PURA: variants seen among roughly 807,000 people sequenced by gnomAD.
The protein encoded by PURA is purine rich element binding protein A, also known as transcriptional activator protein Pur-alpha.
A neutral mutation model predicts 23.1 loss-of-function variants in PURA; 2 were observed. That is an observed-to-expected ratio of 0.09 (90% confidence interval 0.04 to 0.27). The LOEUF (loss-of-function observed/expected upper bound fraction) is 0.27. Among genes scored for constraint, PURA ranks in the 10% least tolerant of loss-of-function variants. The pLI is 1.00. For missense variants in PURA, 187 were observed against 449.7 expected (o/e 0.42, Z 5.28); for synonymous variants, 254 against 205.9 (o/e 1.23, Z -2.00).
rs1258100697 is a variant in PURA at position 140,117,434 on chromosome 5, A to G, written c.*2284A>G. 1 of 166,956 alleles carries G rather than the reference A, an allele frequency of 6.0e-6. No homozygotes were observed. The highest frequency in any genetic ancestry group is 1.5e-5 in the Non-Finnish European group (1 of 68,098). The allele number at this position is 166,956 out of a possible 1,614,324, so 10.3% of individuals were successfully genotyped here. A position where few individuals can be genotyped will look rare whatever the true frequency, so the allele number is the denominator to read the frequency against. On this transcript the variant is annotated 3_prime_UTR_variant, in exon 1 of 1. Transcript: ENST00000331327. ...TTAACTGTGATATGGAAAAGACTGCATTCTCTGTGCTGTTACTAATTAGGA... is the reference window on the plus strand; with the variant it reads ...TTAACTGTGATATGGAAAAGACTGCGTTCTCTGTGCTGTTACTAATTAGGA...
rs999522636 is a variant in PURA, at chr5:140,117,850, C to T, written c.*2700C>T. 1.2e-5 allele frequency: 2 copies of T among 166,376 alleles called. No individual in the cohort carries two copies. Among genetic ancestry groups the T allele is most frequent in the Non-Finnish European group, 2.9e-5 (2 of 68,082 alleles). 10.3% of individuals were successfully genotyped at this position (166,376 alleles called of 1,614,324 possible). On this transcript the variant is annotated 3_prime_UTR_variant, in exon 1 of 1. Coordinates refer to ENST00000331327, the MANE Select transcript of PURA (RefSeq NM_005859.5). The stretch of plus-strand genomic sequence containing the variant: ...GTGGGTTTAAAAAGAAATCCACATG[C>T]AGATCTTTTAAGACTTAAAAAGTGA...
At position 140,115,264 on chromosome 5, in the gene PURA, A is replaced by G. The variant is rs1470871211; in HGVS notation, c.*114A>G. 9 of 734,978 alleles carry G rather than the reference A, an allele frequency of 1.2e-5. No individual in the cohort carries two copies. Among genetic ancestry groups the G allele is most frequent in the Admixed American group, 3.9e-5 (1 of 25,942 alleles). The allele number at this position is 734,978 out of a possible 1,614,324, so 45.5% of individuals were successfully genotyped here. On this transcript the variant is annotated 3_prime_UTR_variant, in exon 1 of 1. Transcript: ENST00000331327. The surrounding 1 kb of genome is among the most constrained non-coding windows in gnomAD (Gnocchi z 4.1). ...AGAAAATAAAAAGTTAAAAAGTTAA[A>G]AAAAAAAAAAAACCTGTTAACTCCA...
rs1763133113 is a variant in PURA, at chr5:140,120,075, AT to A, written c.*4926del. On this transcript the variant is annotated 3_prime_UTR_variant, in exon 1 of 1. Transcript: ENST00000331327. ...GTATCAGAATGAGACCTTGCTATCT[AT>A]GTAAAAGGATGCTAAAACAAGGGCA... 1 of 166,856 alleles carries A rather than the reference AT, an allele frequency of 6.0e-6. No individual in the cohort carries two copies. The highest frequency in any genetic ancestry group is 2.4e-5 in the African/African-American group (1 of 41,428). 10.3% of individuals were successfully genotyped at this position (166,856 alleles called of 1,614,324 possible).
Position 140,114,901 on chromosome 5 carries a change from C to T in PURA, c.720C>T (p.Tyr240=), listed in dbSNP as rs1763053854. The T allele has an allele frequency of 1.2e-6, 2 of 1,614,226 alleles. No individual in the cohort carries two copies. The highest frequency in any genetic ancestry group is 1.1e-5 in the South Asian group (1 of 91,086). Residue 240 remains tyrosine, a synonymous_variant, in exon 1 of 1, where the codon TAC becomes TAT. Coordinates refer to ENST00000331327, the MANE Select transcript of PURA (RefSeq NM_005859.5). ...RFFFDVGSNK[Y]GVFMRVSEVK... is the part of the protein sequence containing the mutation. ...TCTTCGATGTGGGCTCCAACAAGTA[C>T]GGCGTGTTTATGCGAGTGAGCGAGG...
Position 140,122,167 on chromosome 5 carries a change from C to A in PURA, c.*7017C>A, listed in dbSNP as rs1178102057. On this transcript the variant is annotated 3_prime_UTR_variant, in exon 1 of 1. Coordinates refer to ENST00000331327, the MANE Select transcript of PURA (RefSeq NM_005859.5). Reference sequence around the variant, plus strand: ...TGTCTGCTTTTCTGGGACAAATTAGCACAATTGTGGAATGACAGCTTTTCT... The same window carrying A: ...TGTCTGCTTTTCTGGGACAAATTAGAACAATTGTGGAATGACAGCTTTTCT... 6.0e-6 allele frequency: 1 copy of A among 166,798 alleles called. No individual in the cohort carries two copies. The highest frequency in any genetic ancestry group is 1.9e-4 in the East Asian group (1 of 5,192). 10.3% of individuals were successfully genotyped at this position (166,798 alleles called of 1,614,324 possible).
In PURA at chr5:140,114,199, C is replaced by T; in HGVS notation, c.18C>T (p.Ser6=). The change falls in exon 1 of 1, where the codon AGC becomes AGT. Residue 6 remains serine (S), a synonymous_variant. Coordinates refer to ENST00000331327, the MANE Select transcript of PURA (RefSeq NM_005859.5). MADRD[S]GSEQGGAALG... is the part of the protein sequence containing the mutation. Reference sequence around the variant, plus strand: ...GCAGCATCATGGCGGACCGAGACAGCGGCAGCGAGCAGGGTGGTGCGGCGC... The same window carrying T: ...GCAGCATCATGGCGGACCGAGACAGTGGCAGCGAGCAGGGTGGTGCGGCGC... The T allele has an allele frequency of 6.9e-6, 6 of 867,524 alleles. No individual in the cohort carries two copies. The highest frequency in any genetic ancestry group is 1.8e-5 in the African/African-American group (1 of 55,556). The allele number at this position is 867,524 out of a possible 1,614,324, so 53.7% of individuals were successfully genotyped here.
rs1763078446 is a variant in PURA at position 140,116,236 on chromosome 5, T to C, written c.*1086T>C. 6.0e-6 allele frequency: 1 copy of C among 167,088 alleles called. No homozygotes were observed. The highest frequency in any genetic ancestry group is 1.9e-4 in the East Asian group (1 of 5,200). 10.4% of individuals were successfully genotyped at this position (167,088 alleles called of 1,614,324 possible). On this transcript the variant is annotated 3_prime_UTR_variant, in exon 1 of 1. Coordinates refer to ENST00000331327, the MANE Select transcript of PURA (RefSeq NM_005859.5). ...CTTGGACATCAGGTAGTGAGTCTAT[T>C]TGTGGTCACTAGCACTGTCTCCTAA...
rs1763048539 is a variant in PURA, at chr5:140,114,664, G to A, written c.483G>A (p.Glu161=). The change falls in exon 1 of 1, where the codon GAG becomes GAA. Residue 161 remains glutamate, a synonymous_variant. Transcript: ENST00000331327. The stretch of plus-strand genomic sequence containing the variant: ...GCAAGTACTACATGGATCTCAAGGA[G>A]AACCAGCGCGGCCGCTTCCTGCGCA... ...ENRKYYMDLK[E]NQRGRFLRIR... 6.2e-7 allele frequency: 1 copy of A among 1,611,796 alleles called. No homozygotes were observed. The highest frequency in any genetic ancestry group is 8.5e-7 in the Non-Finnish European group (1 of 1,179,808).
In PURA at chr5:140,114,430, C is replaced by T; in HGVS notation, c.249C>T (p.Gly83=). The change falls in exon 1 of 1, where the codon GGC becomes GGT. Residue 83 remains glycine (G), a synonymous_variant. Coordinates refer to ENST00000331327, the MANE Select transcript of PURA (RefSeq NM_005859.5). ...FYLDVKQNAK[G]RFLKIAEVGA... is the part of the protein sequence containing the mutation. Reference sequence around the variant, plus strand: ...TGGACGTGAAGCAGAACGCCAAGGGCCGCTTCCTGAAGATCGCCGAGGTGG... The same window carrying T: ...TGGACGTGAAGCAGAACGCCAAGGGTCGCTTCCTGAAGATCGCCGAGGTGG... 6.2e-7 allele frequency: 1 copy of T among 1,613,102 alleles called. No homozygotes were observed.
chr5:140,118,916 CAT>C lies in PURA; in HGVS notation c.*3770_*3771del, dbSNP rs1160317253. 6.0e-6 allele frequency: 1 copy of C among 166,954 alleles called. No homozygotes were observed. Among genetic ancestry groups the C allele is most frequent in the Non-Finnish European group, 1.5e-5 (1 of 68,032 alleles). 10.3% of individuals were successfully genotyped at this position (166,954 alleles called of 1,614,324 possible). ...AATTTTAACCCCTGCCTAAAGAAGACATATACTTCATTTGGGAGCAAATACTT... is the reference window on the plus strand; with the variant it reads ...AATTTTAACCCCTGCCTAAAGAAGACATACTTCATTTGGGAGCAAATACTT... On this transcript the variant is annotated 3_prime_UTR_variant, in exon 1 of 1. Coordinates refer to ENST00000331327, the MANE Select transcript of PURA (RefSeq NM_005859.5).
At position 140,120,034 on chromosome 5, in the gene PURA, T is replaced by C. The variant is rs937410343; in HGVS notation, c.*4884T>C. 6.0e-6 allele frequency: 1 copy of C among 166,818 alleles called. No homozygotes were observed. The highest frequency in any genetic ancestry group is 2.4e-5 in the African/African-American group (1 of 41,438). 10.3% of individuals were successfully genotyped at this position (166,818 alleles called of 1,614,324 possible). On this transcript the variant is annotated 3_prime_UTR_variant, in exon 1 of 1. Coordinates refer to ENST00000331327, the MANE Select transcript of PURA (RefSeq NM_005859.5). ...ACCAAGTCTAATGACTTTTTTCCCT[T>C]TTTAAAATCTTTTGAGTATCAGAAT... is the stretch of plus-strand genomic sequence containing the variant.
At position 140,121,734 on chromosome 5, in the gene PURA, G is replaced by A. The variant is rs1001537019; in HGVS notation, c.*6584G>A. The A allele has an allele frequency of 9.0e-5, 15 of 166,842 alleles. No individual in the cohort carries two copies. Among genetic ancestry groups the A allele is most frequent in the African/African-American group, 3.4e-4 (14 of 41,414 alleles). The allele number at this position is 166,842 out of a possible 1,614,324, so 10.3% of individuals were successfully genotyped here. A position where few individuals can be genotyped will look rare whatever the true frequency, so the allele number is the denominator to read the frequency against. ...GCTATTTTCCCCATAGTCTTAAGCT[G>A]GCAGTTTGAAGGTATCTAAATTAAT... On this transcript the variant is annotated 3_prime_UTR_variant, in exon 1 of 1. Transcript: ENST00000331327.
In PURA at chr5:140,114,286, TGGCGGC is replaced by T; in HGVS notation, c.108_113del (p.Gly41_Gly42del). The T allele has an allele frequency of 8.3e-7, 1 of 1,203,438 alleles. No individual in the cohort carries two copies. The highest frequency in any genetic ancestry group is 1.0e-6 in the Non-Finnish European group (1 of 984,672). The allele number at this position is 1,203,438 out of a possible 1,614,324, so 74.5% of individuals were successfully genotyped here. On this transcript the variant is annotated inframe_deletion, in exon 1 of 1. Coordinates refer to ENST00000331327, the MANE Select transcript of PURA (RefSeq NM_005859.5). ...GCTCAGGCTCCGGCGGGGGCGGTGG[TGGCGGC>T]GGGGGCGGCGGCGGCAGTGGCGGCG...
At position 140,114,719 on chromosome 5, in the gene PURA, C is replaced by T. The variant is rs1417709811; in HGVS notation, c.538C>T (p.Leu180=). ...IRQTVNRGPG[L]GSTQGQTIAL... is the part of the protein sequence containing the mutation. ...CCAGACGGTCAACCGGGGGCCTGGCCTGGGCTCCACGCAGGGCCAGACCAT... is the reference window on the plus strand; with the variant it reads ...CCAGACGGTCAACCGGGGGCCTGGCTTGGGCTCCACGCAGGGCCAGACCAT... The change falls in exon 1 of 1, where the codon CTG becomes TTG. Residue 180 remains leucine (L), a synonymous_variant. Coordinates refer to ENST00000331327, the MANE Select transcript of PURA (RefSeq NM_005859.5). The T allele has an allele frequency of 6.2e-7, 1 of 1,612,996 alleles. No individual in the cohort carries two copies. The highest frequency in any genetic ancestry group is 2.2e-5 in the East Asian group (1 of 44,874).
chr5:140,114,265 A>G lies in PURA; in HGVS notation c.84A>G (p.Ser28=), dbSNP rs551701773. The part of the protein sequence containing the change: ...GGSLGHPGSG[S]GSGGGGGGGG... ...CCCTGGGGCACCCCGGCTCGGGCTCAGGCTCCGGCGGGGGCGGTGGTGGCG... is the reference window on the plus strand; with the variant it reads ...CCCTGGGGCACCCCGGCTCGGGCTCGGGCTCCGGCGGGGGCGGTGGTGGCG... The change falls in exon 1 of 1, where the codon TCA becomes TCG. Residue 28 remains serine, a synonymous_variant. Transcript: ENST00000331327. 1 of 1,192,622 alleles carries G rather than the reference A, an allele frequency of 8.4e-7. No homozygotes were observed. The highest frequency in any genetic ancestry group is 1.0e-6 in the Non-Finnish European group (1 of 975,498). The allele number at this position is 1,192,622 out of a possible 1,614,324, so 73.9% of individuals were successfully genotyped here.
Position 140,114,707 on chromosome 5 carries a change from C to T in PURA, c.526C>T (p.Arg176Trp), listed in dbSNP as rs1722029234. 6.2e-7 allele frequency: 1 copy of T among 1,612,788 alleles called. No homozygotes were observed. Residue 176 changes from arginine (R) to tryptophan (W), a missense_variant, in exon 1 of 1, where the codon CGG becomes TGG. Arg to Trp is a moderately radical substitution (Grantham distance 101). This residue lies in a region of PURA where 11 missense variants were observed against 26.4 expected (regional missense o/e 0.42). Transcript: ENST00000331327. ...RFLRIRQTVN[R>W]GPGLGSTQGQ... ...CCTGCGCATCCGCCAGACGGTCAAC[C>T]GGGGGCCTGGCCTGGGCTCCACGCA...
Position 140,114,368 on chromosome 5 carries a change from T to A in PURA, c.187T>A (p.Ser63Thr). 6.2e-7 allele frequency: 1 copy of A among 1,605,198 alleles called. No homozygotes were observed. Among genetic ancestry groups the A allele is most frequent in the Non-Finnish European group, 8.5e-7 (1 of 1,178,634 alleles). ...GCAGCACGAGACGCAGGAGCTGGCC[T>A]CCAAGCGGGTGGACATCCAGAACAA... ...GLQHETQELASKRVDIQNKRF... is the reference protein window; with the variant it reads ...GLQHETQELATKRVDIQNKRF... The change falls in exon 1 of 1, where the codon TCC becomes ACC. Residue 63 changes from serine (S) to threonine (T), a missense_variant. By Grantham distance (58) the Ser-to-Thr change is moderately conservative (BLOSUM62 1). Coordinates refer to ENST00000331327, the MANE Select transcript of PURA (RefSeq NM_005859.5).
chr5:140,116,534 C>T lies in PURA; in HGVS notation c.*1384C>T, dbSNP rs1763081794. The T allele has an allele frequency of 6.0e-6, 1 of 166,974 alleles. No individual in the cohort carries two copies. The highest frequency in any genetic ancestry group is 1.5e-5 in the Non-Finnish European group (1 of 68,094). The allele number at this position is 166,974 out of a possible 1,614,324, so 10.3% of individuals were successfully genotyped here. A position where few individuals can be genotyped will look rare whatever the true frequency, so the allele number is the denominator to read the frequency against. On this transcript the variant is annotated 3_prime_UTR_variant, in exon 1 of 1. Transcript: ENST00000331327. ...AAGTATGTTCTATAACTCATATATT[C>T]AAGGTGTAGGGTATGAAAATGCAAA...
At position 140,122,957 on chromosome 5, in the gene PURA, T is replaced by A. The variant is rs1384810928; in HGVS notation, c.*7807T>A. ...TATATATTAGTGATAAAAATCTCTT[T>A]TAAAAATAGCAAAAAAGTGGTTCTG... is the stretch of plus-strand genomic sequence containing the variant. On this transcript the variant is annotated 3_prime_UTR_variant, in exon 1 of 1. Transcript: ENST00000331327. 1.8e-5 allele frequency: 3 copies of A among 166,726 alleles called. No individual in the cohort carries two copies. The highest frequency in any genetic ancestry group is 7.2e-5 in the African/African-American group (3 of 41,432). The allele number at this position is 166,726 out of a possible 1,614,324, so 10.3% of individuals were successfully genotyped here.
Sources: allele counts gnomAD v4.1 joint callset, GRCh38; gene constraint gnomAD v4.1.1; regional missense constraint gnomAD v4.1.1; non-coding constraint Gnocchi (gnomAD v3.1); transcripts MANE v1.5; gene names NCBI Gene and HGNC (gene_info 2026-07-23, HGNC 2026-07-21).